Variants in FOCAD observed in about 807,000 individuals in gnomAD.
FOCAD encodes KIAA1797.
FOCAD carries 198 observed loss-of-function variants against 225.6 expected under a neutral mutation model. The observed-to-expected ratio is 0.88, with a 90% CI of 0.78 to 0.99. FOCAD has a LOEUF of 0.99. Ranked by LOEUF, FOCAD falls within the 50% of genes least tolerant of loss-of-function variation. The pLI, the probability that FOCAD is intolerant of heterozygous loss-of-function variation, is 0.00. For synonymous variants in FOCAD, 897 were observed against 755.0 expected (o/e 1.19, Z -3.08); for missense variants, 2,713 against 2,123.6 (o/e 1.28, Z -5.46).
rs910955279 is a variant in FOCAD at position 20,981,620 on chromosome 9, C to T, written c.4572C>T (p.His1524=). The change falls in exon 38 of 44, where the codon CAC becomes CAT. Residue 1524 remains histidine, a synonymous_variant. Coordinates refer to ENST00000338382, the MANE Select transcript of FOCAD (RefSeq NM_001375567.1). ...CCATGAAACTGCCCAGCCCTGCCCA[C>T]CACCTCTGGAGTCTGCTCTCTGAAG... ...SQAMKLPSPA[H]HLWSLLSEAT... The T allele has an allele frequency of 1.2e-6, 2 of 1,613,964 alleles. No homozygotes were observed. The highest frequency in any genetic ancestry group is 1.3e-5 in the African/African-American group (1 of 74,928).
At chr9:20,738,353 C>T (rs1333643851) in intron 4 of FOCAD, among the ~76,000 whole-genome samples, 1 of 152,200 alleles carries the variant, frequency 6.6e-6, no homozygotes, top group African/African-American at 2.4e-5. Context: ...CACTGAGTTA[C>T]AGTGAGATTC....
chr9:20,662,091 A>G (rs1469221242), intron 2 of FOCAD, among the ~76,000 whole-genome samples: 1 of 152,232 alleles, frequency 6.6e-6, no homozygotes, highest in Non-Finnish European at 1.5e-5. Context: ...AAATATCTAC[A>G]AGTAGTGGAT....
intron 36 of FOCAD, among the ~76,000 whole-genome samples, chr9:20,977,738 A>G (rs1166982001): frequency 2.6e-5 from 4 of 152,254 alleles, no homozygotes; most frequent in African/African-American, 9.6e-5. Flanking sequence ...GTGCTTTCAT[A>G]TAAACCTAAT....
intron 15 of FOCAD, among the ~76,000 whole-genome samples, chr9:20,835,301 T>C (rs1825889053): frequency 6.6e-6 from 1 of 152,116 alleles, no homozygotes; most frequent in South Asian, 2.1e-4. Flanking sequence ...ACTAATGGGT[T>C]TAGAAAGTCT....
intron 41 of FOCAD, among the ~76,000 whole-genome samples, chr9:20,988,839 C>G (rs1841413539): frequency 6.6e-6 from 1 of 152,282 alleles, no homozygotes; most frequent in East Asian, 1.9e-4. Flanking sequence ...GGCCTCCACA[C>G]TGGCCAGCAT....
At chr9:20,776,220 C>T (rs1235411024) in intron 8 of FOCAD, among the ~76,000 whole-genome samples, 1 of 152,136 alleles carries the variant, frequency 6.6e-6, no homozygotes, top group Non-Finnish European at 1.5e-5. Context: ...GTATTGTTGC[C>T]GATTTGTCAG....
rs768062466 is a variant in FOCAD at position 20,758,077 on chromosome 9, C to T, written c.393-13C>T. 106 of 1,581,028 alleles carry T rather than the reference C, an allele frequency of 6.7e-5. No individual in the cohort carries two copies. Among genetic ancestry groups the T allele is most frequent in the Non-Finnish European group, 8.1e-5 (94 of 1,160,344 alleles). On this transcript the variant is annotated splice_polypyrimidine_tract_variant and intron_variant, in intron 5 of 43. Coordinates refer to ENST00000338382, the MANE Select transcript of FOCAD (RefSeq NM_001375567.1). ...GAATAACAGGTTCCCATGTGACTTT[C>T]TGTGTCTTTCAGAAATCATCCTCAT...
At chr9:20,787,052 A>G (rs1819995267) in intron 10 of FOCAD, 4 of 402,336 alleles carry the variant, frequency 9.9e-6, no homozygotes, top group South Asian at 7.7e-5. Flanking sequence ...TCAATGGGAC[A>G]ATTTCTCCTG....
At chr9:20,662,614 T>C (rs1275563551) in intron 2 of FOCAD, among the ~76,000 whole-genome samples, 1 of 152,194 alleles carries the variant, frequency 6.6e-6, no homozygotes. Flanking sequence ...TTATACCTTT[T>C]TATTTCTATT....
Position 20,814,077 on chromosome 9 carries a change from C to A in FOCAD, c.1456-5719C>A, listed in dbSNP as rs145491664. ...CTTCTCACTTTCAGCCTGTGTGTGT[C>A]CTTAAATCTAAAGTGAGTCTTTTGT... On this transcript the variant is annotated intron_variant, in intron 11 of 43. Coordinates refer to ENST00000338382, the MANE Select transcript of FOCAD (RefSeq NM_001375567.1). Among the ~76,000 whole-genome samples the A allele has an allele frequency of 6.6e-5, 10 of 152,184 alleles. No homozygotes were observed. The East Asian group carries it at 1.9e-3, about 29-fold the overall frequency.
At chr9:20,818,765 A>C (rs1477139358) in intron 11 of FOCAD, among the ~76,000 whole-genome samples, 7 of 152,068 alleles carry the variant, frequency 4.6e-5, no homozygotes, top group Middle Eastern at 3.2e-3. Flanking sequence ...AGTTTTGATT[A>C]CTTTAGCTTT....
intron 2 of FOCAD, among the ~76,000 whole-genome samples, chr9:20,662,430 C>T (rs1279151234): frequency 6.6e-6 from 1 of 152,076 alleles, no homozygotes; most frequent in African/African-American, 2.4e-5. Flanking sequence ...CTGAGAGAAG[C>T]AAGGGAATAA....
intron 15 of FOCAD, among the ~76,000 whole-genome samples, chr9:20,839,876 A>G (rs554203453): frequency 1.2e-4 from 18 of 152,228 alleles, no homozygotes; most frequent in African/African-American, 4.3e-4. Flanking sequence ...TTTTCTGCAT[A>G]TGATTATCCA....
intron 15 of FOCAD, among the ~76,000 whole-genome samples, chr9:20,852,508 A>G (rs1827763117): frequency 6.6e-6 from 1 of 151,726 alleles, no homozygotes; most frequent in African/African-American, 2.4e-5. Flanking sequence ...TTTTCATTGA[A>G]CGTGTAATCA....
intron 4 of FOCAD, among the ~76,000 whole-genome samples, chr9:20,720,760 A>C (rs563758213): frequency 2.1e-3 from 318 of 152,284 alleles, no homozygotes; most frequent in African/African-American, 6.9e-3. Flanking sequence ...GCTCTACTTA[A>C]ATTTGTCGTT....
At chr9:20,801,203 A>G (rs984242292) in intron 11 of FOCAD, among the ~76,000 whole-genome samples, 1 of 152,132 alleles carries the variant, frequency 6.6e-6, no homozygotes, top group Non-Finnish European at 1.5e-5. Flanking sequence ...ATGTTTTAAT[A>G]TATTCATCTA....
In FOCAD at chr9:20,948,316, T is replaced by G; in HGVS notation, c.3721T>G (p.Ser1241Ala). 6.2e-7 allele frequency: 1 copy of G among 1,612,656 alleles called. No individual in the cohort carries two copies. Among genetic ancestry groups the G allele is most frequent in the Non-Finnish European group, 8.5e-7 (1 of 1,178,962 alleles). Reference protein sequence around the residue: ...LALGNIVHGLSVCGHGKAEDL... With the variant: ...LALGNIVHGLAVCGHGKAEDL... Reference sequence around the variant, plus strand: ...TTTAGGAAACATAGTTCATGGATTGTCTGTGTGTGGACATGGAAAAGCTGA... The same window carrying G: ...TTTAGGAAACATAGTTCATGGATTGGCTGTGTGTGGACATGGAAAAGCTGA... Residue 1241 changes from serine to alanine, a missense_variant, in exon 31 of 44, where the codon TCT becomes GCT. By Grantham distance (99) the Ser-to-Ala change is moderately conservative (BLOSUM62 1). Coordinates refer to ENST00000338382, the MANE Select transcript of FOCAD (RefSeq NM_001375567.1).
At chr9:20,781,682 G>A (rs746576681) in intron 9 of FOCAD, 45 bp from the exon 10 acceptor site, 1 of 1,566,578 alleles carries the variant, frequency 6.4e-7, no homozygotes, top group Non-Finnish European at 8.8e-7. Flanking sequence ...TTGTTTGACT[G>A]TGGTATTAAT....
intron 1 of FOCAD, among the ~76,000 whole-genome samples, chr9:20,694,820 C>T (rs942595001): frequency 3.9e-5 from 6 of 152,028 alleles, no homozygotes; most frequent in African/African-American, 1.2e-4. Context: ...CATTAACAAC[C>T]CTAACAAAAT....
Sources: gnomAD v4.1 joint callset for allele counts (sites outside exome capture counted in the v4.1 genomes callset) on GRCh38, gnomAD v4.1.1 for gene constraint, MANE v1.5 for transcripts, NCBI Gene and HGNC (gene_info 2026-07-23, HGNC 2026-07-21) for gene names.